Variants in COL16A1 observed in about 807,000 individuals in gnomAD.
COL16A1 encodes the protein collagen type XVI alpha 1 chain, also known as collagen alpha-1(XVI) chain.
COL16A1 carries 189 observed loss-of-function variants against 266.3 expected under a neutral mutation model. The observed-to-expected ratio is 0.71, with a 90% CI of 0.63 to 0.80. The LOEUF (loss-of-function observed/expected upper bound fraction) is 0.80, where lower values mean the gene tolerates loss of function less well. Ranked by LOEUF, COL16A1 falls within the 30% of genes least tolerant of loss-of-function variation. COL16A1 has a pLI of 0.00. For missense variants in COL16A1, 1,928 were observed against 2,122.4 expected, an observed-to-expected ratio of 0.91 and a Z score of 1.80; for synonymous variants, 740 against 782.3, an observed-to-expected ratio of 0.95 and a Z score of 0.90.
Position 31,655,374 on chromosome 1 carries a change from G to C in COL16A1, c.4230C>G (p.Gly1410=). ...CCGAAGGCCCCGGAGCTCCAGGGTG[G>C]CCTCTCTCTCCTGCAGGGCCCGGTG... ...VGPPGPAGER[G]HPGAPGPSGS... Residue 1410 remains glycine (G), a synonymous_variant, in exon 67 of 71, where the codon GGC becomes GGG. Transcript: ENST00000373672. The C allele has an allele frequency of 6.2e-7, 1 of 1,613,906 alleles. No individual in the cohort carries two copies.
chr1:31,678,939 T>G (rs1643399887), intron 42 of COL16A1, among the ~76,000 whole-genome samples: 1 of 152,204 alleles, frequency 6.6e-6, no homozygotes, highest in Admixed American at 6.5e-5. Context: ...CTGGCTTCCT[T>G]GCAATTCCCC....
In COL16A1 at chr1:31,667,676, C is replaced by T. The variant is rs199764673; in HGVS notation, c.3304-48G>A. 7.2e-6 allele frequency: 11 copies of T among 1,527,800 alleles called. 1 individual carries two copies. The highest frequency in any genetic ancestry group is 3.7e-5 in the Admixed American group (2 of 54,218). 94.6% of individuals were successfully genotyped at this position (1,527,800 alleles called of 1,614,324 possible). A position where few individuals can be genotyped will look rare whatever the true frequency, so the allele number is the denominator to read the frequency against. ...TGGAATTAGCCCCACAGAATTAGTC[C>T]GTCACGGCACTAATGCGAGGAGCGG... On this transcript the variant is annotated intron_variant, in intron 51 of 70. Transcript: ENST00000373672.
rs1313969509 is a variant in COL16A1 at position 31,691,598 on chromosome 1, C to T, written c.1302G>A (p.Lys434=). The part of the protein sequence containing the change: ...EICVIGPKGQ[K]GDPGFVGPEG... The stretch of plus-strand genomic sequence containing the variant: ...CACCCCACAAACATCCACAACTCAC[C>T]TTCTGCCCTTTGGGCCCAATGACAC... The change falls in exon 18 of 71, where the codon AAG becomes AAA. Residue 434 remains lysine, a splice_region_variant and synonymous_variant. Transcript: ENST00000373672. 1 of 1,613,922 alleles carries T rather than the reference C, an allele frequency of 6.2e-7. No individual in the cohort carries two copies. Among genetic ancestry groups the T allele is most frequent in the Non-Finnish European group, 8.5e-7 (1 of 1,180,020 alleles).
In COL16A1 at chr1:31,688,486, G is replaced by A. The variant is rs1172204111; in HGVS notation, c.1784C>T (p.Pro595Leu). 6.2e-7 allele frequency: 1 copy of A among 1,613,760 alleles called. No individual in the cohort carries two copies. Among genetic ancestry groups the A allele is most frequent in the African/African-American group, 1.3e-5 (1 of 74,806 alleles). The change falls in exon 26 of 71, where the codon CCA (proline) becomes CTA (leucine). Residue 595 changes from proline to leucine, a missense_variant. By Grantham distance (98) the Pro-to-Leu change is moderately conservative. Coordinates refer to ENST00000373672, the MANE Select transcript of COL16A1 (RefSeq NM_001856.4). This position sits in a 1 kb window ranked among gnomAD's most constrained non-coding sequence, Gnocchi z 4.9. Reference protein sequence around the residue: ...LPGLPGRAGVPGLKGEKGNFG... With the variant: ...LPGLPGRAGVLGLKGEKGNFG... The stretch of plus-strand genomic sequence containing the variant: ...TCTCACCTTCTCTCCTTTCAGCCCT[G>A]GAACCCCAGCTCTACCCTGAAAAAC...
At chr1:31,674,238 G>T (rs1210038710) in intron 44 of COL16A1, among the ~76,000 whole-genome samples, 3 of 152,228 alleles carry the variant, frequency 2.0e-5, no homozygotes, top group African/African-American at 7.2e-5. Flanking sequence ...GATGAGGGGG[G>T]GCTCTGGAGG....
rs1365297173 is a variant in COL16A1 at position 31,688,858 on chromosome 1, C to T, written c.1767+3G>A. 5.0e-6 allele frequency: 8 copies of T among 1,612,468 alleles called. No individual in the cohort carries two copies. The highest frequency in any genetic ancestry group is 6.8e-6 in the Non-Finnish European group (8 of 1,179,226). ...GCTGGGCTGGGAGAAAGTCGTCACT[C>T]ACCGGAAGGCCAGGCAGACCAAAGC... On this transcript the variant is annotated splice_donor_region_variant and intron_variant, in intron 25 of 70. Coordinates refer to ENST00000373672, the MANE Select transcript of COL16A1 (RefSeq NM_001856.4). The surrounding 1 kb of genome is among the most constrained non-coding windows in gnomAD (Gnocchi z 4.9).
At chr1:31,683,775 G>A in intron 33 of COL16A1, 27 bp from the exon 34 acceptor site, 3 of 1,613,956 alleles carry the variant, frequency 1.9e-6, no homozygotes, top group Non-Finnish European at 2.5e-6. Context: ...ACAGTCCCTG[G>A]CTCGAGGTTC....
rs780737134 is a variant in COL16A1, at chr1:31,665,901, G to A, written c.3437C>T (p.Ser1146Phe). The change falls in exon 54 of 71, where the codon TCC becomes TTC. Residue 1146 changes from serine to phenylalanine, a missense_variant. This residue lies in a region of COL16A1 where 1,552 missense variants were observed against 1,637.2 expected (regional missense o/e 0.95). Transcript: ENST00000373672. Reference protein sequence around the residue: ...PRGERGPQGNSGEKGDQGFQG... With the variant: ...PRGERGPQGNFGEKGDQGFQG... ...ACTCACCTGGTCGCCCTTCTCACCG[G>A]AGTTACCTTGGGGTCCTCGCTCTCC... 92 of 1,613,976 alleles carry A rather than the reference G, an allele frequency of 5.7e-5. No homozygotes were observed. The South Asian group carries it at 9.8e-4, about 17-fold the overall frequency.
rs759381694 is a variant in COL16A1 at position 31,690,394 on chromosome 1, CT to C, written c.1483-2del. 14 of 1,614,172 alleles carry C rather than the reference CT, an allele frequency of 8.7e-6. No homozygotes were observed. The highest frequency in any genetic ancestry group is 6.7e-5 in the Admixed American group (4 of 60,026). ...TCTCTCCCTTCACACCTGGCTTCCCCTGTTAGAAAAGAGGCAATGGGCATCA... is the reference window on the plus strand; with the variant it reads ...TCTCTCCCTTCACACCTGGCTTCCCCGTTAGAAAAGAGGCAATGGGCATCA... On this transcript the variant is annotated splice_acceptor_variant, in intron 21 of 70. Transcript: ENST00000373672. LOFTEE classifies it high-confidence loss of function.
intron 64 of COL16A1, among the ~76,000 whole-genome samples, chr1:31,658,114 A>G (rs1340820602): frequency 6.6e-6 from 1 of 152,254 alleles, no homozygotes; most frequent in East Asian, 1.9e-4. Context: ...CTGGTTTCCG[A>G]GGACCTCAGG....
Position 31,686,120 on chromosome 1 carries a change from C to A in COL16A1, c.1855G>T (p.Val619Leu). ...PAGSPGPPGP[V>L]GPAGIKGAKG... Reference sequence around the variant, plus strand: ...GCCCCTTTGATGCCTGCTGGCCCCACTGGTCCTGGTGGCCCCTGCATGTTA... The same window carrying A: ...GCCCCTTTGATGCCTGCTGGCCCCAATGGTCCTGGTGGCCCCTGCATGTTA... The change falls in exon 28 of 71, where the codon GTG (valine) becomes TTG (leucine). Residue 619 changes from valine to leucine, a missense_variant. By Grantham distance (32) the Val-to-Leu change is conservative (BLOSUM62 1). Transcript: ENST00000373672. The A allele has an allele frequency of 6.2e-7, 1 of 1,614,182 alleles. No homozygotes were observed. The highest frequency in any genetic ancestry group is 1.1e-5 in the South Asian group (1 of 91,080).
chr1:31,695,906 C>T (rs1319503069), intron 9 of COL16A1, 119 bp from the exon 10 acceptor site: 11 of 1,020,780 alleles, frequency 1.1e-5, no homozygotes, highest in African/African-American at 4.7e-5. Flanking sequence ...CCAGGCACTG[C>T]GTCTGTCTCA....
rs1372449802 is a variant in COL16A1 at position 31,695,807 on chromosome 1, T to C, written c.919-20A>G. On this transcript the variant is annotated intron_variant, in intron 9 of 70. Coordinates refer to ENST00000373672, the MANE Select transcript of COL16A1 (RefSeq NM_001856.4). ...ATGGACCTGAGGAAAGGGTGGGGGG[T>C]GTGGGAATGGGCAGGGAGCTCAGGG... 4 of 1,605,014 alleles carry C rather than the reference T, an allele frequency of 2.5e-6. No homozygotes were observed. Among genetic ancestry groups the C allele is most frequent in the African/African-American group, 1.3e-5 (1 of 74,252 alleles).
rs1641278334 is a variant in COL16A1 at position 31,657,564 on chromosome 1, GGAATCAGAGC to G, written c.4021-506_4021-497del. 6.2e-6 allele frequency: 1 copy of G among 160,988 alleles called. No individual in the cohort carries two copies. Among genetic ancestry groups the G allele is most frequent in the Admixed American group, 6.2e-5 (1 of 16,242 alleles). 10.0% of individuals were successfully genotyped at this position (160,988 alleles called of 1,614,324 possible). A position where few individuals can be genotyped will look rare whatever the true frequency, so the allele number is the denominator to read the frequency against. On this transcript the variant is annotated intron_variant, in intron 64 of 70. Coordinates refer to ENST00000373672, the MANE Select transcript of COL16A1 (RefSeq NM_001856.4). The surrounding 1 kb of genome is among the most constrained non-coding windows in gnomAD (Gnocchi z 6.4). ...AAGGAGGGAGGCAGGGTCCTTGGCA[GGAATCAGAGC>G]GAATAGGCGTGGTGAGACTGGGCCC...
intron 70 of COL16A1, 148 bp downstream of exon 70, chr1:31,653,451 G>A (rs1275739564): frequency 1.2e-5 from 11 of 929,898 alleles, no homozygotes; most frequent in African/African-American, 1.7e-5. Context: ...CCCTGGCAGA[G>A]TGTCTTGCAC....
chr1:31,657,054 C>T lies in COL16A1; in HGVS notation c.4035G>A (p.Thr1345=), dbSNP rs1557606552. The part of the protein sequence containing the change: ...GHPGPPGEPG[T]DGAAGKEGPP... ...GTACCTCTTTGCCAGCTGCACCATC[C>T]GTACCAGGTTCGCCCTGGGGAGTAG... The change falls in exon 65 of 71, where the codon ACG becomes ACA. Residue 1345 remains threonine, a synonymous_variant. Coordinates refer to ENST00000373672, the MANE Select transcript of COL16A1 (RefSeq NM_001856.4). The surrounding 1 kb of genome is among the most constrained non-coding windows in gnomAD (Gnocchi z 6.4). The T allele has an allele frequency of 7.4e-6, 12 of 1,614,176 alleles. No homozygotes were observed. The highest frequency in any genetic ancestry group is 1.6e-4 in the Middle Eastern group (1 of 6,062).
Position 31,695,217 on chromosome 1 carries a change from G to A in COL16A1, c.950C>T (p.Pro317Leu), listed in dbSNP as rs201553193. ...VHQETAADEC[P>L]PCVHGARDSN... The stretch of plus-strand genomic sequence containing the variant: ...GTCCCGGGCACCATGGACACAGGGC[G>A]GACACTGAAAGGGAAGAGCAGGCGA... Residue 317 changes from proline (P) to leucine (L), a missense_variant, in exon 11 of 71, where the codon CCG (proline) becomes CTG (leucine). Pro to Leu is a moderately conservative substitution (Grantham distance 98). Coordinates refer to ENST00000373672, the MANE Select transcript of COL16A1 (RefSeq NM_001856.4). 128 of 1,613,728 alleles carry A rather than the reference G, an allele frequency of 7.9e-5. No homozygotes were observed. Among genetic ancestry groups the A allele is most frequent in the South Asian group, 1.1e-4 (10 of 91,054 alleles).
Position 31,656,930 on chromosome 1 carries a change from G to C in COL16A1, c.4056+103C>G, listed in dbSNP as rs926268808. ...GGTTAACAATTTCCAGAGACAGCCC[G>C]TACATAGAAGGAATGTTTACTGAAA... On this transcript the variant is annotated intron_variant, in intron 65 of 70. Coordinates refer to ENST00000373672, the MANE Select transcript of COL16A1 (RefSeq NM_001856.4). The surrounding 1 kb of genome is among the most constrained non-coding windows in gnomAD (Gnocchi z 4.2). The C allele has an allele frequency of 6.6e-7, 1 of 1,513,428 alleles. No homozygotes were observed. The highest frequency in any genetic ancestry group is 1.4e-5 in the African/African-American group (1 of 72,776). The allele number at this position is 1,513,428 out of a possible 1,614,324, so 93.7% of individuals were successfully genotyped here.
chr1:31,662,673 C>CCG lies in COL16A1; in HGVS notation c.3556-16_3556-15insCG. 2 of 1,174,532 alleles carry CCG rather than the reference C, an allele frequency of 1.7e-6. No individual in the cohort carries two copies. Among genetic ancestry groups the CCG allele is most frequent in the East Asian group, 2.7e-5 (1 of 37,002 alleles). The allele number at this position is 1,174,532 out of a possible 1,614,324, so 72.8% of individuals were successfully genotyped here. Reference sequence around the variant, plus strand: ...CCTTCGCTGCCCTGGAAACCAGCGCCGCCCCCCCCCCCCGCCCCACAATAA... The same window carrying CCG: ...CCTTCGCTGCCCTGGAAACCAGCGCCCGGCCCCCCCCCCCCGCCCCACAATAA... On this transcript the variant is annotated splice_polypyrimidine_tract_variant and intron_variant, in intron 56 of 70. Coordinates refer to ENST00000373672, the MANE Select transcript of COL16A1 (RefSeq NM_001856.4).
Sources: gnomAD v4.1 joint callset for allele counts (sites outside exome capture counted in the v4.1 genomes callset) on GRCh38, gnomAD v4.1.1 for gene constraint, gnomAD v4.1.1 regional missense constraint, Gnocchi (gnomAD v3.1) non-coding constraint, MANE v1.5 for transcripts, NCBI Gene and HGNC (gene_info 2026-07-23, HGNC 2026-07-21) for gene names.